GREB1L: variants seen among roughly 807,000 people sequenced by gnomAD.
GREB1L encodes the protein GREB1 like retinoic acid receptor coactivator, also known as GREB1-like protein.
GREB1L carries 17 observed loss-of-function variants against 200.8 expected under a neutral mutation model. The ratio of observed to expected loss-of-function variants is 0.08; its 90% CI spans 0.06 to 0.13. The LOEUF (loss-of-function observed/expected upper bound fraction) is 0.13. GREB1L is among the 10% of genes least tolerant of loss of function. The pLI, the probability that GREB1L is intolerant of heterozygous loss-of-function variation, is 1.00. For synonymous variants in GREB1L, 789 were observed against 893.0 expected (o/e 0.88, Z 2.08); for missense variants, 1,657 against 2,367.7 (o/e 0.70, Z 6.23).
At chr18:21,265,000 C>G (rs2037944406) in intron 1 of GREB1L, among the ~76,000 whole-genome samples, 1 of 152,086 alleles carries the variant, frequency 6.6e-6, no homozygotes, top group Admixed American at 6.6e-5. Context: ...CTTGCTGTTA[C>G]TAAGGTAACA....
At chr18:21,487,778 A>G (rs1243247275) in intron 18 of GREB1L, among the ~76,000 whole-genome samples, 1 of 151,902 alleles carries the variant, frequency 6.6e-6, no homozygotes, top group Non-Finnish European at 1.5e-5. Flanking sequence ...AGGTGGGTGG[A>G]TCACCTGAGG....
chr18:21,355,278 C>T (rs1567949018), intron 1 of GREB1L, among the ~76,000 whole-genome samples: 2 of 151,404 alleles, frequency 1.3e-5, no homozygotes. Flanking sequence ...ACTGTAACCT[C>T]CACCTCCCAA....
chr18:21,503,102 A>T (rs1269721684), intron 23 of GREB1L, among the ~76,000 whole-genome samples: 1 of 152,144 alleles, frequency 6.6e-6, no homozygotes, highest in Non-Finnish European at 1.5e-5. Flanking sequence ...TGTTAAAAAG[A>T]TATTAGCTGT....
intron 7 of GREB1L, among the ~76,000 whole-genome samples, chr18:21,423,924 A>C (rs1450955381): frequency 6.6e-6 from 1 of 152,168 alleles, no homozygotes; most frequent in Non-Finnish European, 1.5e-5. Context: ...TTAATTTAGG[A>C]TTGCCCTACA....
At chr18:21,501,353 G>A (rs1307720519) in intron 23 of GREB1L, among the ~76,000 whole-genome samples, 5 of 151,444 alleles carry the variant, frequency 3.3e-5, no homozygotes, top group Admixed American at 1.3e-4. Context: ...CTACCAACCC[G>A]TCATCTACGT....
intron 7 of GREB1L, among the ~76,000 whole-genome samples, chr18:21,431,014 A>G (rs1335867211): frequency 6.8e-6 from 1 of 147,630 alleles, no homozygotes. Flanking sequence ...TTATTTATTT[A>G]TTTATTTATT....
chr18:21,496,454 G>A lies in GREB1L; in HGVS notation c.3147G>A (p.Arg1049=). 6.4e-7 allele frequency: 1 copy of A among 1,551,664 alleles called. No homozygotes were observed. The highest frequency in any genetic ancestry group is 8.7e-7 in the Non-Finnish European group (1 of 1,146,988). Residue 1049 remains arginine, a splice_region_variant and synonymous_variant, in exon 21 of 33, where the codon AGG becomes AGA. Coordinates refer to ENST00000424526, the MANE Select transcript of GREB1L (RefSeq NM_001142966.3). The stretch of plus-strand genomic sequence containing the variant: ...CAACAACACAATTACTTTTGTTCAG[G>A]TCTTTGAAGTACTGTGACCTCCGGT... The part of the protein sequence containing the change: ...GKDPLGETFP[R]SLKYCDLRLI...
rs556359361 is a variant in GREB1L at position 21,470,342 on chromosome 18, A to ATC, written c.2183-2688_2183-2687insCT. ...TATTGGAATTACATTAAGTCTCTAG[A>ATC]TAAGTTTGAGGAAAATTTAATTTTT... On this transcript the variant is annotated intron_variant, in intron 15 of 32. Coordinates refer to ENST00000424526, the MANE Select transcript of GREB1L (RefSeq NM_001142966.3). 2.5e-4 allele frequency among the ~76,000 whole-genome samples: 38 copies of ATC among 152,242 alleles called. No individual in the cohort carries two copies. In the East Asian group the frequency reaches 2.9e-3, roughly 12 times the overall value.
At chr18:21,358,176 A>T (rs1286078742) in intron 1 of GREB1L, among the ~76,000 whole-genome samples, 1 of 152,108 alleles carries the variant, frequency 6.6e-6, no homozygotes, top group Non-Finnish European at 1.5e-5. Context: ...CCTTGGTTAA[A>T]TGTATTCCTA....
chr18:21,384,124 CT>C (rs755404262), intron 3 of GREB1L, 81 bp from the exon 4 acceptor site: 13 of 991,972 alleles, frequency 1.3e-5, no homozygotes, highest in South Asian at 1.2e-4. Flanking sequence ...GACCTTTTTT[CT>C]TCAATTATGT....
At chr18:21,393,719 G>A (rs568955319) in intron 4 of GREB1L, among the ~76,000 whole-genome samples, 1 of 152,200 alleles carries the variant, frequency 6.6e-6, no homozygotes, top group Admixed American at 6.5e-5. Context: ...GCGGGTCACC[G>A]CGCCCGGCCT....
At chr18:21,317,965 G>A (rs1044580807) in intron 1 of GREB1L, among the ~76,000 whole-genome samples, 30 of 151,894 alleles carry the variant, frequency 2.0e-4, no homozygotes, top group African/African-American at 6.3e-4. Context: ...AAAATTAGCC[G>A]GGTATGGTGG....
chr18:21,315,453 G>A (rs2038852887), intron 1 of GREB1L, among the ~76,000 whole-genome samples: 1 of 152,076 alleles, frequency 6.6e-6, no homozygotes, highest in African/African-American at 2.4e-5. Context: ...TCATCTCAGA[G>A]TATGTCATAA....
At chr18:21,342,897 C>T (rs894486388) in intron 1 of GREB1L, among the ~76,000 whole-genome samples, 1 of 152,244 alleles carries the variant, frequency 6.6e-6, no homozygotes, top group Admixed American at 6.5e-5. Flanking sequence ...CCTCTGCCAG[C>T]CCCTCATGCT....
intron 16 of GREB1L, among the ~76,000 whole-genome samples, chr18:21,475,271 C>A (rs1212585798): frequency 1.3e-5 from 2 of 152,156 alleles, no homozygotes; most frequent in Non-Finnish European, 2.9e-5. Context: ...TCCCCTCTTG[C>A]CTTTAAAAGC....
chr18:21,486,368 A>C (rs1472551821), intron 18 of GREB1L, among the ~76,000 whole-genome samples: 1 of 151,940 alleles, frequency 6.6e-6, no homozygotes, highest in Non-Finnish European at 1.5e-5. Flanking sequence ...AAAAAAAAAA[A>C]AAGTCCCACT....
intron 1 of GREB1L, among the ~76,000 whole-genome samples, chr18:21,282,280 A>C (rs1259663124): frequency 6.6e-6 from 1 of 152,184 alleles, no homozygotes; most frequent in East Asian, 1.9e-4. Context: ...TCTCTTAAAA[A>C]AAAATTATGG....
intron 1 of GREB1L, among the ~76,000 whole-genome samples, chr18:21,277,157 T>G (rs1389220205): frequency 6.6e-6 from 1 of 152,086 alleles, no homozygotes; most frequent in East Asian, 1.9e-4. Context: ...CTCAATCTCC[T>G]GACCTTGTGA....
At chr18:21,456,767 A>G (rs2034783495) in intron 15 of GREB1L, among the ~76,000 whole-genome samples, 1 of 152,164 alleles carries the variant, frequency 6.6e-6, no homozygotes, top group Admixed American at 6.5e-5. Context: ...CCAAAAACCA[A>G]AGTGAGTTCT....
Sources: gnomAD v4.1 joint callset for allele counts (sites outside exome capture counted in the v4.1 genomes callset) on GRCh38, gnomAD v4.1.1 for gene constraint, MANE v1.5 for transcripts, NCBI Gene and HGNC (gene_info 2026-07-23, HGNC 2026-07-21) for gene names.